The following ZFC3H1 variants were observed in gnomAD, a reference collection of about 807,000 sequenced individuals.
ZFC3H1 encodes zinc finger C3H1 domain-containing protein.
A neutral mutation model predicts 243.7 loss-of-function variants in ZFC3H1; 71 were observed. The observed-to-expected ratio is 0.29, with a 90% CI of 0.24 to 0.36. The LOEUF (loss-of-function observed/expected upper bound fraction) is 0.36, where lower values mean the gene tolerates loss of function less well. Ranked by LOEUF, ZFC3H1 falls within the 10% of genes least tolerant of loss-of-function variation. The probability of loss-of-function intolerance (pLI) is 1.00; values close to 1 mark genes in which losing one functional copy is unlikely to be tolerated. For missense variants in ZFC3H1, 1,966 were observed against 2,317.1 expected (o/e 0.85, Z 3.11); for synonymous variants, 838 against 813.0 (o/e 1.03, Z -0.52).
intron 29 of ZFC3H1, 48 bp from the exon 30 acceptor site, chr12:71,614,748 C>T: frequency 6.3e-7 from 1 of 1,587,404 alleles, no homozygotes; most frequent in Non-Finnish European, 8.6e-7. Flanking sequence ...GACAGTAGTT[C>T]TCTCACCAAG....
intron 2 of ZFC3H1, chr12:71,656,528 T>C (rs1245867614): frequency 7.5e-6 from 5 of 662,388 alleles, no homozygotes; most frequent in Non-Finnish European, 1.1e-5. Context: ...AAACCAGGAA[T>C]AGGAGTAAAA....
In ZFC3H1 at chr12:71,629,012, A is replaced by C. The variant is rs1429480517; in HGVS notation, c.3852T>G (p.Asp1284Glu). 6.2e-7 allele frequency: 1 copy of C among 1,612,440 alleles called. No homozygotes were observed. The highest frequency in any genetic ancestry group is 1.7e-5 in the Admixed American group (1 of 59,870). ...GHTPPFTTYK[D>E]KRKWKPKFWR... The stretch of plus-strand genomic sequence containing the variant: ...AAAACTTTGGCTTCCACTTTCTTTT[A>C]TCTTTGTAGGTTGTAAATGGAGGAG... Residue 1284 changes from aspartate to glutamate, a missense_variant, in exon 20 of 35, where the codon GAT (aspartate) becomes GAG (glutamate). Physicochemically the swap from Asp to Glu is conservative, Grantham distance 45. This residue lies in a region of ZFC3H1 where 1,383 missense variants were observed against 1,723.7 expected (regional missense o/e 0.80). Transcript: ENST00000378743.
rs878990549 is a variant in ZFC3H1, at chr12:71,632,031, G to A, written c.3301C>T (p.Leu1101=). The A allele has an allele frequency of 1.9e-6, 3 of 1,608,270 alleles. 1 individual carries two copies. The South Asian group carries it at 3.3e-5, about 18-fold the overall frequency. ...LQKLYSKADS[L]KQLILKTTTG... Reference sequence around the variant, plus strand: ...GTGGTTTTTAAAATCAGCTGTTTTAGGCTGTCAGCTTTTGAATACAATTTT... The same window carrying A: ...GTGGTTTTTAAAATCAGCTGTTTTAAGCTGTCAGCTTTTGAATACAATTTT... The change falls in exon 15 of 35, where the codon CTA becomes TTA. Residue 1101 remains leucine, a synonymous_variant. Coordinates refer to ENST00000378743, the MANE Select transcript of ZFC3H1 (RefSeq NM_144982.5).
chr12:71,656,721 T>C, intron 2 of ZFC3H1, 164 bp downstream of exon 2: 1 of 737,316 alleles, frequency 1.4e-6, no homozygotes, highest in East Asian at 2.8e-5. Context: ...AGACTAAAAG[T>C]AAACAAAATT....
chr12:71,621,515 G>A (rs1171875326), intron 24 of ZFC3H1, among the ~76,000 whole-genome samples: 1 of 151,974 alleles, frequency 6.6e-6, no homozygotes, highest in Non-Finnish European at 1.5e-5. Flanking sequence ...CGTTGGCCAG[G>A]CTGGTCTCAA....
intron 7 of ZFC3H1, among the ~76,000 whole-genome samples, chr12:71,638,169 A>T (rs1208166372): frequency 6.6e-6 from 1 of 152,168 alleles, no homozygotes; most frequent in Non-Finnish European, 1.5e-5. Context: ...ATCTGAGAGT[A>T]AAGTGAAGAA....
intron 28 of ZFC3H1, 23 bp from the exon 29 acceptor site, chr12:71,614,961 C>T (rs1879858637): frequency 1.3e-6 from 2 of 1,553,662 alleles, no homozygotes; most frequent in Admixed American, 1.7e-5. Context: ...TGAAGGAAAA[C>T]ATATGTCTAT....
rs752322788 is a variant in ZFC3H1 at position 71,636,595 on chromosome 12, C to T, written c.1995G>A (p.Val665=). The T allele has an allele frequency of 6.2e-7, 1 of 1,613,926 alleles. No homozygotes were observed. Among genetic ancestry groups the T allele is most frequent in the South Asian group, 1.1e-5 (1 of 91,072 alleles). ...SPPVLNNSHP[V]PRSNLSIVSI... is the part of the protein sequence containing the mutation. ...TGACTATTGATAGATTGCTTCTTGG[C>T]ACAGGATGTGAATTGTTCAGAACTG... The change falls in exon 9 of 35, where the codon GTG becomes GTA. Residue 665 remains valine (V), a synonymous_variant. Transcript: ENST00000378743.
At chr12:71,654,803 T>C (rs1880975918) in intron 2 of ZFC3H1, among the ~76,000 whole-genome samples, 1 of 152,100 alleles carries the variant, frequency 6.6e-6, no homozygotes. Flanking sequence ...TAAAACCAGC[T>C]CTATACTATG....
intron 22 of ZFC3H1, among the ~76,000 whole-genome samples, chr12:71,625,649 T>C (rs1386468077): frequency 1.3e-5 from 2 of 152,004 alleles, no homozygotes; most frequent in African/African-American, 4.8e-5. Flanking sequence ...ACGACTGCAC[T>C]ACTGCACTCC....
At chr12:71,644,809 ACT>A (rs2137548698) in intron 4 of ZFC3H1, 66 bp downstream of exon 4, 3 of 1,549,392 alleles carry the variant, frequency 1.9e-6, no homozygotes, top group Non-Finnish European at 2.6e-6. Context: ...CAAGAGCAAA[ACT>A]CTGTCTCAAA....
chr12:71,629,880 C>A (rs1435062400), intron 18 of ZFC3H1, among the ~76,000 whole-genome samples, 170 bp from the exon 19 acceptor site: 1 of 150,818 alleles, frequency 6.6e-6, no homozygotes, highest in Non-Finnish European at 1.5e-5. Flanking sequence ...ACTACTATGG[C>A]AAATCCTACC....
intron 24 of ZFC3H1, among the ~76,000 whole-genome samples, chr12:71,622,708 G>A (rs927300143): frequency 9.2e-5 from 14 of 152,026 alleles, no homozygotes; most frequent in African/African-American, 3.1e-4. Context: ...GGCAATCCGC[G>A]CACCTTGGCC....
At chr12:71,629,466 C>T (rs1880262477) in intron 19 of ZFC3H1, 143 bp downstream of exon 19, 1 of 575,274 alleles carries the variant, frequency 1.7e-6, no homozygotes, top group Non-Finnish European at 3.0e-6. Flanking sequence ...CGCACCCAGC[C>T]TGGAATGATA....
intron 16 of ZFC3H1, 122 bp downstream of exon 16, chr12:71,631,656 A>C: frequency 1.2e-6 from 1 of 808,142 alleles, no homozygotes; most frequent in Non-Finnish European, 1.9e-6. Context: ...TTAAAAGGGT[A>C]AGTCTGGTTA....
In ZFC3H1 at chr12:71,630,737, A is replaced by C; in HGVS notation, c.3603-16T>G. On this transcript the variant is annotated splice_polypyrimidine_tract_variant and intron_variant, in intron 17 of 34. Transcript: ENST00000378743. ...TATATGCTGCCTAAGATAAAAAAAA[A>C]CACAGAAAAGATAATCATGTACATA... is the stretch of plus-strand genomic sequence containing the variant. 1 of 1,604,776 alleles carries C rather than the reference A, an allele frequency of 6.2e-7. No homozygotes were observed. The highest frequency in any genetic ancestry group is 8.5e-7 in the Non-Finnish European group (1 of 1,177,432).
chr12:71,627,321 T>C (rs1427130451), intron 21 of ZFC3H1, among the ~76,000 whole-genome samples: 2 of 152,180 alleles, frequency 1.3e-5, no homozygotes, highest in Admixed American at 6.5e-5. Context: ...AAATTCACCA[T>C]AATTTGGAAG....
At chr12:71,638,202 A>G (rs1190032615) in intron 7 of ZFC3H1, among the ~76,000 whole-genome samples, 1 of 152,210 alleles carries the variant, frequency 6.6e-6, no homozygotes, top group East Asian at 1.9e-4. Flanking sequence ...GGTACCGAAA[A>G]GTCAACATGA....
intron 31 of ZFC3H1, among the ~76,000 whole-genome samples, chr12:71,612,788 A>C (rs1879804052): frequency 1.3e-5 from 2 of 152,184 alleles, no homozygotes; most frequent in African/African-American, 4.8e-5. Flanking sequence ...TTGCGGATGA[A>C]AGTGGATTTG....
Sources: gnomAD v4.1 joint callset for allele counts (sites outside exome capture counted in the v4.1 genomes callset) on GRCh38, gnomAD v4.1.1 for gene constraint, gnomAD v4.1.1 regional missense constraint, MANE v1.5 for transcripts, NCBI Gene and HGNC (gene_info 2026-07-23, HGNC 2026-07-21) for gene names.